SLC9B1: variants seen among roughly 807,000 people sequenced by gnomAD.
The protein encoded by SLC9B1 is solute carrier family 9 member B1, also known as sodium/hydrogen exchanger 9B1.
A neutral mutation model predicts 51.7 loss-of-function variants in SLC9B1; 32 were observed. That is an observed-to-expected ratio of 0.62 (90% confidence interval 0.47 to 0.83). The LOEUF (loss-of-function observed/expected upper bound fraction) is 0.83, where lower values mean the gene tolerates loss of function less well. Ranked by LOEUF, SLC9B1 falls within the 40% of genes least tolerant of loss-of-function variation. SLC9B1 has a pLI of 0.00. For synonymous variants in SLC9B1, 145 were observed against 212.7 expected (o/e 0.68, Z 2.77); for missense variants, 406 against 613.2 (o/e 0.66, Z 3.57).
At chr4:103,018,035 C>T (rs1009446865) in intron 1 of SLC9B1, among the ~76,000 whole-genome samples, 2 of 152,102 alleles carry the variant, frequency 1.3e-5, no homozygotes, top group Non-Finnish European at 2.9e-5. Flanking sequence ...TCCATTCATT[C>T]CCTCAAAAAA....
In SLC9B1 at chr4:102,990,657, TG is replaced by T. The variant is rs1322069964; in HGVS notation, c.70-717del. ...CTCCAAATTTGCCTTATGATTGTCA[TG>T]GGTGGGTGGGTGTGGGGGTGTGTGT... is the stretch of plus-strand genomic sequence containing the variant. On this transcript the variant is annotated intron_variant, in intron 2 of 11. Transcript: ENST00000296422. Among the ~76,000 whole-genome samples the T allele has an allele frequency of 2.3e-5, 3 of 129,954 alleles. No individual in the cohort carries two copies. In the Admixed American group the frequency reaches 2.4e-4, roughly 10 times the overall value. The allele number at this position is 129,954 out of a possible 152,430, so 85.3% of individuals were successfully genotyped here. A position where few individuals can be genotyped will look rare whatever the true frequency, so the allele number is the denominator to read the frequency against.
In SLC9B1 at chr4:102,945,232, A is replaced by G; in HGVS notation, c.614T>C (p.Phe205Ser). 3 of 1,609,014 alleles carry G rather than the reference A, an allele frequency of 1.9e-6. No individual in the cohort carries two copies. The highest frequency in any genetic ancestry group is 2.5e-6 in the Non-Finnish European group (3 of 1,176,514). The change falls in exon 6 of 12, where the codon TTC (phenylalanine) becomes TCC (serine). Residue 205 changes from phenylalanine to serine, a missense_variant. Coordinates refer to ENST00000296422, the MANE Select transcript of SLC9B1 (RefSeq NM_139173.4). ...CCATTGCCAGGGAAATTTCATAATG[A>G]AGTGTGAAAAAACAGCAGCTGCACT... Reference protein sequence around the residue: ...EASAAAVFSHFIMKFPWQWAF... With the variant: ...EASAAAVFSHSIMKFPWQWAF...
downstream of SLC9B1, among the ~76,000 whole-genome samples, chr4:102,898,969 C>A (rs1453066350): frequency 6.6e-6 from 1 of 152,140 alleles, no homozygotes; most frequent in African/African-American, 2.4e-5. Context: ...TCTCCCTCCC[C>A]TGACCTCATG....
intron 6 of SLC9B1, among the ~76,000 whole-genome samples, chr4:102,939,622 T>C (rs371487870): frequency 2.2e-3 from 267 of 123,780 alleles, no homozygotes; most frequent in South Asian, 5.2e-3. Context: ...TCAGGACAGT[T>C]ATCACTGATG....
At chr4:102,926,986 A>G (rs1365019790) in intron 7 of SLC9B1, among the ~76,000 whole-genome samples, 1 of 152,240 alleles carries the variant, frequency 6.6e-6, no homozygotes, top group East Asian at 1.9e-4. Context: ...ACTGAGAAAA[A>G]CAAGAAATGG....
chr4:102,949,121 G>C, intron 4 of SLC9B1, 136 bp downstream of exon 4: 1 of 754,520 alleles, frequency 1.3e-6, no homozygotes, highest in Non-Finnish European at 2.1e-6. Flanking sequence ...CACACATACA[G>C]TAAATACATA....
At chr4:102,893,313 A>G (rs1734365724) in intron 11 of SLC9B1, among the ~76,000 whole-genome samples, 1 of 150,188 alleles carries the variant, frequency 6.7e-6, no homozygotes, top group Non-Finnish European at 1.5e-5. Context: ...AAAGAAAAAG[A>G]AAAAAGAAAG....
intron 7 of SLC9B1, among the ~76,000 whole-genome samples, chr4:102,922,418 G>T (rs947345214): frequency 1.3e-5 from 2 of 152,218 alleles, no homozygotes; most frequent in African/African-American, 4.8e-5. Context: ...GCAGTGTGTA[G>T]AGGGAAATTT....
intron 11 of SLC9B1, chr4:102,891,630 T>C (rs1734253843): frequency 1.3e-5 from 2 of 152,232 alleles, no homozygotes; most frequent in Non-Finnish European, 1.5e-5. Flanking sequence ...ATGTAAAATA[T>C]ATTGACTTAC....
chr4:102,918,340 C>A (rs988047491), intron 7 of SLC9B1, among the ~76,000 whole-genome samples: 2 of 151,814 alleles, frequency 1.3e-5, no homozygotes, highest in African/African-American at 4.8e-5. Flanking sequence ...TGCAAGTTAC[C>A]AAGACTAAGT....
chr4:102,904,731 C>T (rs1328398378), intron 11 of SLC9B1, among the ~76,000 whole-genome samples: 1 of 151,812 alleles, frequency 6.6e-6, no homozygotes, highest in Non-Finnish European at 1.5e-5. Flanking sequence ...CCTGTGATCC[C>T]AGCACTTTGG....
chr4:103,014,689 T>C (rs2110545569), intron 1 of SLC9B1, among the ~76,000 whole-genome samples: 1 of 152,328 alleles, frequency 6.6e-6, no homozygotes, highest in Non-Finnish European at 1.5e-5. Context: ...TTTAAATACA[T>C]ACTAAATATT....
intron 9 of SLC9B1, 35 bp from the exon 10 acceptor site, chr4:102,906,679 G>A: frequency 7.6e-7 from 1 of 1,312,466 alleles, no homozygotes; most frequent in Non-Finnish European, 1.1e-6. Context: ...TAATGATTTT[G>A]GCACATAAAT....
intron 3 of SLC9B1, among the ~76,000 whole-genome samples, chr4:102,951,815 A>C (rs1171892105): frequency 6.6e-6 from 1 of 151,396 alleles, no homozygotes; most frequent in East Asian, 1.9e-4. Flanking sequence ...TGAGAAGAAA[A>C]CTGGCTTCAA....
At chr4:103,006,600 T>C (rs531066529) in intron 1 of SLC9B1, among the ~76,000 whole-genome samples, 101 of 152,248 alleles carry the variant, frequency 6.6e-4, no homozygotes, top group Non-Finnish European at 7.1e-4. Flanking sequence ...ACTGAAAATA[T>C]TCCAAAAAAT....
intron 11 of SLC9B1, chr4:102,888,362 C>G (rs1397002378): frequency 6.6e-6 from 1 of 152,182 alleles, no homozygotes; most frequent in Non-Finnish European, 1.5e-5. Flanking sequence ...GAAAGTCTTG[C>G]AGAACCCATA....
intron 11 of SLC9B1, chr4:102,892,108 G>C (rs1356952753): frequency 6.6e-6 from 1 of 152,182 alleles, no homozygotes; most frequent in Non-Finnish European, 1.5e-5. Flanking sequence ...ACCCAGGCTG[G>C]AGTGCGGGGG....
intron 6 of SLC9B1, among the ~76,000 whole-genome samples, chr4:102,938,382 T>C (rs1736825540): frequency 6.6e-6 from 1 of 152,170 alleles, no homozygotes; most frequent in Non-Finnish European, 1.5e-5. Flanking sequence ...AACAAGTTCA[T>C]AGAGACCTAT....
intron 1 of SLC9B1, among the ~76,000 whole-genome samples, chr4:103,018,173 T>C (rs1468762642): frequency 6.6e-6 from 1 of 152,146 alleles, no homozygotes; most frequent in Non-Finnish European, 1.5e-5. Flanking sequence ...CAAAAATAAG[T>C]ACAAAATGAG....
Sources: gnomAD v4.1 joint callset for allele counts (sites outside exome capture counted in the v4.1 genomes callset) on GRCh38, gnomAD v4.1.1 for gene constraint, MANE v1.5 for transcripts, NCBI Gene and HGNC (gene_info 2026-07-23, HGNC 2026-07-21) for gene names.